Variants in SMAD2 observed in about 807,000 individuals in gnomAD.
The protein encoded by SMAD2 is SMAD family member 2.
In SMAD2, 8 loss-of-function variants were observed where a neutral mutation model predicts 64.4. That is an observed-to-expected ratio of 0.12 (90% CI 0.07 to 0.22). The LOEUF (loss-of-function observed/expected upper bound fraction) is 0.22. Among genes scored for constraint, SMAD2 ranks in the 10% least tolerant of loss-of-function variants. The pLI is 1.00. For missense variants in SMAD2, 289 were observed against 561.2 expected (o/e 0.51, Z 4.90); for synonymous variants, 203 against 195.8 (o/e 1.04, Z -0.31).
chr18:47,920,638 TCTC>T (rs1266591711), intron 1 of SMAD2, among the ~76,000 whole-genome samples: 1 of 152,196 alleles, frequency 6.6e-6, no homozygotes, highest in Non-Finnish European at 1.5e-5. Flanking sequence ...GCTATTTTGT[TCTC>T]CTTGACTTTT....
In SMAD2 at chr18:47,827,808, G is replaced by C. The variant is rs1248481330; in HGVS notation, c.*14019C>G. 3 of 191,978 alleles carry C rather than the reference G, an allele frequency of 1.6e-5. No homozygotes were observed. Among genetic ancestry groups the C allele is most frequent in the South Asian group, 9.2e-5 (1 of 10,820 alleles). 11.9% of individuals were successfully genotyped at this position (191,978 alleles called of 1,614,324 possible). On this transcript the variant is annotated 3_prime_UTR_variant, in exon 11 of 11. Coordinates refer to ENST00000262160, the MANE Select transcript of SMAD2 (RefSeq NM_005901.6). ...TCAATGTTGCCCAGGCTGGAGTGCA[G>C]TGGCACGATCTCGGCTCGCTACAAC...
At chr18:47,863,052 C>T (rs190380152) in intron 6 of SMAD2, among the ~76,000 whole-genome samples, 3 of 151,528 alleles carry the variant, frequency 2.0e-5, no homozygotes, top group African/African-American at 4.8e-5. Flanking sequence ...CCTAATTTAT[C>T]CTCTGGTTGC....
At chr18:47,921,346 C>T (rs1434226248) in intron 1 of SMAD2, among the ~76,000 whole-genome samples, 4 of 152,188 alleles carry the variant, frequency 2.6e-5, no homozygotes, top group Non-Finnish European at 5.9e-5. Context: ...TGGAACACCA[C>T]ACAAAAACCT....
chr18:47,845,920 G>C (rs1914449299), intron 8 of SMAD2, 120 bp from the exon 9 acceptor site: 2 of 852,478 alleles, frequency 2.3e-6, no homozygotes, highest in Non-Finnish European at 3.9e-6. Context: ...CTTTTTCACA[G>C]ATAATGTCTT....
intron 8 of SMAD2, 31 bp from the exon 9 acceptor site, chr18:47,845,831 G>GT: frequency 6.2e-7 from 1 of 1,602,338 alleles, no homozygotes; most frequent in Non-Finnish European, 8.6e-7. Flanking sequence ...GATTAGTTTT[G>GT]TAACATTTAC....
At chr18:47,908,319 AAC>A (rs1361836665) in intron 1 of SMAD2, among the ~76,000 whole-genome samples, 33 of 152,216 alleles carry the variant, frequency 2.2e-4, no homozygotes, top group Admixed American at 2.2e-3. Context: ...TGGTTGTTGT[AAC>A]AGAGCTATAT....
rs1379266313 is a variant in SMAD2, at chr18:47,831,533, A to G, written c.*10294T>C. On this transcript the variant is annotated 3_prime_UTR_variant, in exon 11 of 11. Transcript: ENST00000262160. Reference sequence around the variant, plus strand: ...CAGCCAACAAAACTATTGAAGACAGACTGTAAAAACTGGCAAATCCCCATC... The same window carrying G: ...CAGCCAACAAAACTATTGAAGACAGGCTGTAAAAACTGGCAAATCCCCATC... The G allele has an allele frequency of 6.6e-6, 1 of 152,264 alleles. No homozygotes were observed. The allele number at this position is 152,264 out of a possible 1,614,324, so 9.4% of individuals were successfully genotyped here.
At chr18:47,924,458 C>CT (rs1165168415) in intron 1 of SMAD2, among the ~76,000 whole-genome samples, 3 of 149,136 alleles carry the variant, frequency 2.0e-5, no homozygotes, top group Non-Finnish European at 3.0e-5. Flanking sequence ...CCCACATTTT[C>CT]TTTTTTTTCT....
intron 2 of SMAD2, among the ~76,000 whole-genome samples, chr18:47,891,818 AAT>A (rs147167130): frequency 0.019 from 2,840 of 152,316 alleles, 81 homozygotes; most frequent in African/African-American, 0.064. Flanking sequence ...TCTTGTCATA[AAT>A]AGACACGAAT....
rs531035201 is a variant in SMAD2 at position 47,849,239 on chromosome 18, C to T, written c.785-552G>A. Among the ~76,000 whole-genome samples, 17 of 152,016 alleles carry T rather than the reference C, an allele frequency of 1.1e-4. No homozygotes were observed. The South Asian group carries it at 3.5e-3, about 32-fold the overall frequency. On this transcript the variant is annotated intron_variant, in intron 7 of 10. Transcript: ENST00000262160. ...GAGAAAACCCACTCATACATAAGAA[C>T]CAGAAAGCAGTAACACACAAAGATC...
intron 1 of SMAD2, among the ~76,000 whole-genome samples, chr18:47,924,049 G>A (rs2034663985): frequency 6.6e-6 from 1 of 152,076 alleles, no homozygotes; most frequent in African/African-American, 2.4e-5. Flanking sequence ...AGGAGTTCGA[G>A]ACCAGCCTGA....
intron 2 of SMAD2, among the ~76,000 whole-genome samples, chr18:47,874,721 C>G (rs1279353369): frequency 6.6e-6 from 1 of 152,096 alleles, no homozygotes; most frequent in South Asian, 2.1e-4. Flanking sequence ...TCTGTAATTA[C>G]TCACTAATAT....
chr18:47,827,841 TC>T lies in SMAD2; in HGVS notation c.*13985del. On this transcript the variant is annotated 3_prime_UTR_variant, in exon 11 of 11. Transcript: ENST00000262160. The stretch of plus-strand genomic sequence containing the variant: ...ATCTCGGCTCGCTACAACCTCCACC[TC>T]CCAGCCGCCTGCCTTGGCCTCCCAA... 1 of 192,642 alleles carries T rather than the reference TC, an allele frequency of 5.2e-6. No homozygotes were observed. The highest frequency in any genetic ancestry group is 1.0e-5 in the Non-Finnish European group (1 of 95,928). The allele number at this position is 192,642 out of a possible 1,614,324, so 11.9% of individuals were successfully genotyped here.
chr18:47,891,399 C>T (rs950053770), intron 2 of SMAD2, among the ~76,000 whole-genome samples: 12 of 152,030 alleles, frequency 7.9e-5, no homozygotes, highest in African/African-American at 2.9e-4. Context: ...ATACAACGTT[C>T]ACTACAGAGG....
chr18:47,851,268 A>T lies in SMAD2; in HGVS notation c.784+6T>A. ...AAATGATGAGGGGAACATATGTGCAACTTACCCAAGCTATGATTAACAGGG... is the reference window on the plus strand; with the variant it reads ...AAATGATGAGGGGAACATATGTGCATCTTACCCAAGCTATGATTAACAGGG... On this transcript the variant is annotated splice_donor_region_variant and intron_variant, in intron 7 of 10. Coordinates refer to ENST00000262160, the MANE Select transcript of SMAD2 (RefSeq NM_005901.6). 6.3e-7 allele frequency: 1 copy of T among 1,597,910 alleles called. No individual in the cohort carries two copies. The highest frequency in any genetic ancestry group is 8.6e-7 in the Non-Finnish European group (1 of 1,165,706).
At position 47,827,925 on chromosome 18, in the gene SMAD2, C is replaced by T. The variant is rs1912819220; in HGVS notation, c.*13902G>A. ...ACCCCGTCTGGGAAGTGAGGAGCATCTCTGCCTGGCTGCCCATCGTCTGGG... is the reference window on the plus strand; with the variant it reads ...ACCCCGTCTGGGAAGTGAGGAGCATTTCTGCCTGGCTGCCCATCGTCTGGG... On this transcript the variant is annotated 3_prime_UTR_variant, in exon 11 of 11. Coordinates refer to ENST00000262160, the MANE Select transcript of SMAD2 (RefSeq NM_005901.6). 5.7e-6 allele frequency: 1 copy of T among 175,790 alleles called. No homozygotes were observed. Among genetic ancestry groups the T allele is most frequent in the Admixed American group, 6.4e-5 (1 of 15,690 alleles). The allele number at this position is 175,790 out of a possible 1,614,324, so 10.9% of individuals were successfully genotyped here.
chr18:47,848,832 T>C, intron 7 of SMAD2, 145 bp from the exon 8 acceptor site: 1 of 653,268 alleles, frequency 1.5e-6, no homozygotes, highest in Non-Finnish European at 2.7e-6. Flanking sequence ...AGTATCTGTA[T>C]CGGTTTCCAC....
intron 1 of SMAD2, among the ~76,000 whole-genome samples, chr18:47,910,632 G>A (rs2034090118): frequency 6.6e-6 from 1 of 152,146 alleles, no homozygotes; most frequent in South Asian, 2.1e-4. Context: ...CCACTCCTCA[G>A]CCTACTCAGA....
intron 6 of SMAD2, among the ~76,000 whole-genome samples, chr18:47,863,124 T>G (rs1301183162): frequency 6.6e-6 from 1 of 152,246 alleles, no homozygotes; most frequent in Non-Finnish European, 1.5e-5. Flanking sequence ...AATTTAATTA[T>G]GTCCTTCCTT....
Sources: gnomAD v4.1 joint callset for allele counts (sites outside exome capture counted in the v4.1 genomes callset) on GRCh38, gnomAD v4.1.1 for gene constraint, MANE v1.5 for transcripts, NCBI Gene and HGNC (gene_info 2026-07-23, HGNC 2026-07-21) for gene names.